The following STAT3 variants were observed in gnomAD, a reference collection of about 807,000 sequenced individuals.
STAT3 encodes the protein DNA-binding protein APRF.
Under a neutral mutation model 114.3 loss-of-function variants are expected in STAT3, and 7 were observed. That is an observed-to-expected ratio of 0.06 (90% confidence interval 0.03 to 0.11). The LOEUF is 0.11. Ranked by LOEUF, STAT3 falls within the 10% of genes least tolerant of loss-of-function variation. The pLI, the probability that STAT3 is intolerant of heterozygous loss-of-function variation, is 1.00. For missense variants in STAT3, 364 were observed against 960.9 expected (o/e 0.38, Z 8.21); for synonymous variants, 331 against 354.5 (o/e 0.93, Z 0.74).
At chr17:42,372,212 T>C (rs970899330) in intron 1 of STAT3, among the ~76,000 whole-genome samples, 3 of 152,298 alleles carry the variant, frequency 2.0e-5, no homozygotes, top group Non-Finnish European at 4.4e-5. Context: ...ATTGCACTCC[T>C]TGATATTTAT....
At chr17:42,362,432 T>C (rs991431981) in intron 1 of STAT3, among the ~76,000 whole-genome samples, 4 of 152,268 alleles carry the variant, frequency 2.6e-5, no homozygotes. Context: ...CTCCAGGCCA[T>C]TTTCCACACT....
At chr17:42,332,847 A>G (rs939209433) in intron 10 of STAT3, among the ~76,000 whole-genome samples, 3 of 151,908 alleles carry the variant, frequency 2.0e-5, no homozygotes, top group Non-Finnish European at 4.4e-5. Flanking sequence ...TCAAAAAAAA[A>G]AAAATTAGCC....
In STAT3 at chr17:42,323,050, G is replaced by A. The variant is rs1209963571; in HGVS notation, c.1842C>T (p.Ser614=). ...GTFLLRFSES[S]KEGGVTFTWV... ...AAGTGAAAGTGACGCCTCCTTCTTT[G>A]CTGCTTTCACTGAATCTTAGCAGGA... Residue 614 remains serine, a synonymous_variant, in exon 20 of 24, where the codon AGC becomes AGT. Coordinates refer to ENST00000264657, the MANE Select transcript of STAT3 (RefSeq NM_139276.3). 6.2e-7 allele frequency: 1 copy of A among 1,614,172 alleles called. No individual in the cohort carries two copies. The highest frequency in any genetic ancestry group is 1.7e-5 in the Admixed American group (1 of 60,010).
At chr17:42,367,520 C>T (rs1189457343) in intron 1 of STAT3, among the ~76,000 whole-genome samples, 2 of 152,078 alleles carry the variant, frequency 1.3e-5, no homozygotes, top group Admixed American at 6.6e-5. Context: ...TCCTGGAACA[C>T]ACCTTGCCCG....
intron 1 of STAT3, among the ~76,000 whole-genome samples, chr17:42,352,652 A>C (rs986856419): frequency 1.7e-5 from 2 of 117,012 alleles, no homozygotes; most frequent in Middle Eastern, 4.4e-3. Context: ...ACTCTGTCTC[A>C]AAAAAAAAAA....
At chr17:42,380,106 C>T (rs914310504) in intron 1 of STAT3, among the ~76,000 whole-genome samples, 24 of 151,826 alleles carry the variant, frequency 1.6e-4, no homozygotes, top group African/African-American at 5.3e-4. Context: ...GCGATCTCAG[C>T]TCACTGCAAC....
intron 21 of STAT3, among the ~76,000 whole-genome samples, chr17:42,318,768 G>A (rs1417654260): frequency 1.3e-5 from 2 of 152,182 alleles, no homozygotes; most frequent in Admixed American, 1.3e-4. Flanking sequence ...AGAAGGCACT[G>A]CAGAGTGGCT....
chr17:42,327,027 G>T (rs181700869), intron 14 of STAT3, among the ~76,000 whole-genome samples: 19 of 152,206 alleles, frequency 1.2e-4, no homozygotes, highest in African/African-American at 4.3e-4. Flanking sequence ...CCAATGCTGT[G>T]ATCCTCAACC....
Position 42,322,204 on chromosome 17 carries a change from CCTAT to C in STAT3, c.2101+74_2101+77del. On this transcript the variant is annotated intron_variant, in intron 21 of 23. Coordinates refer to ENST00000264657, the MANE Select transcript of STAT3 (RefSeq NM_139276.3). ...ATCCCCCAGGTTATTCAGGCATTTG[CCTAT>C]CTATCCTCCAAGGATCCCAAAATTT... is the stretch of plus-strand genomic sequence containing the variant. The C allele has an allele frequency of 2.9e-6, 4 of 1,377,728 alleles. No individual in the cohort carries two copies. In the South Asian group the frequency reaches 3.5e-5, roughly 12 times the overall value. 85.3% of individuals were successfully genotyped at this position (1,377,728 alleles called of 1,614,324 possible).
Position 42,315,384 on chromosome 17 carries a change from T to C in STAT3, c.*361A>G, listed in dbSNP as rs1023660997. ...GATGCCGCAGGCACCAGGAGGCACT[T>C]GTCTAAGAACAACAACAACAATAAC... On this transcript the variant is annotated 3_prime_UTR_variant, in exon 24 of 24. Transcript: ENST00000264657. 2.2e-6 allele frequency: 1 copy of C among 447,966 alleles called. No individual in the cohort carries two copies. The highest frequency in any genetic ancestry group is 2.0e-5 in the African/African-American group (1 of 51,202). The allele number at this position is 447,966 out of a possible 1,614,324, so 27.7% of individuals were successfully genotyped here. A position where few individuals can be genotyped will look rare whatever the true frequency, so the allele number is the denominator to read the frequency against.
chr17:42,368,403 G>A (rs566911900), intron 1 of STAT3, among the ~76,000 whole-genome samples: 14 of 152,254 alleles, frequency 9.2e-5, no homozygotes, highest in African/African-American at 2.9e-4. Context: ...CACTAAAATC[G>A]TACAACCACT....
At chr17:42,326,007 T>G (rs1423670595) in intron 15 of STAT3, 109 bp downstream of exon 15, 6 of 1,038,244 alleles carry the variant, frequency 5.8e-6, no homozygotes, top group Non-Finnish European at 9.0e-6. Context: ...AAACACAGTG[T>G]TAAGCAAACA....
intron 1 of STAT3, among the ~76,000 whole-genome samples, chr17:42,386,485 T>G (rs1004300213): frequency 1.3e-5 from 2 of 152,076 alleles, no homozygotes; most frequent in African/African-American, 4.8e-5. Flanking sequence ...AACTGTGCTG[T>G]GGGTATTTCT....
chr17:42,348,330 A>G, intron 2 of STAT3, 59 bp downstream of exon 2: 1 of 1,606,708 alleles, frequency 6.2e-7, no homozygotes, highest in Non-Finnish European at 8.5e-7. Flanking sequence ...TTAAGAGTTC[A>G]TGTCTCTTGA....
Position 42,325,072 on chromosome 17 carries a change from A to G in STAT3, c.1366-11T>C, listed in dbSNP as rs761523186. ...TGGCAAGGAGTGGGTCTGCGGAGGG[A>G]GTGGGGACTGAGCTGGGGAGGCAGA... On this transcript the variant is annotated splice_polypyrimidine_tract_variant and intron_variant, in intron 15 of 23. Coordinates refer to ENST00000264657, the MANE Select transcript of STAT3 (RefSeq NM_139276.3). 2 of 1,613,360 alleles carry G rather than the reference A, an allele frequency of 1.2e-6. No individual in the cohort carries two copies. The highest frequency in any genetic ancestry group is 2.7e-5 in the African/African-American group (2 of 74,856).
intron 1 of STAT3, among the ~76,000 whole-genome samples, chr17:42,377,983 A>ATT (rs11378560): frequency 0.018 from 2,235 of 127,624 alleles, 64 homozygotes; most frequent in Non-Finnish European, 0.022. Flanking sequence ...CAGAAACAGG[A>ATT]TTTTTTTTTT....
At chr17:42,387,268 G>A (rs1355118948) in intron 1 of STAT3, 1 of 152,168 alleles carries the variant, frequency 6.6e-6, no homozygotes, top group Non-Finnish European at 1.5e-5. Flanking sequence ...ATACCAACTT[G>A]GGCGACGGTT....
At chr17:42,316,376 C>T in intron 23 of STAT3, 1 of 366,592 alleles carries the variant, frequency 2.7e-6, no homozygotes, top group South Asian at 2.1e-5. Context: ...GCTGGGATTA[C>T]AGGTATGCGC....
intron 4 of STAT3, 136 bp downstream of exon 4, chr17:42,345,423 A>C (rs576922984): frequency 8.0e-6 from 6 of 752,098 alleles, no homozygotes; most frequent in Non-Finnish European, 1.3e-5. Flanking sequence ...AGAGTTTTTC[A>C]ATGTATTTTT....
Sources: gnomAD v4.1 joint callset for allele counts (sites outside exome capture counted in the v4.1 genomes callset) on GRCh38, gnomAD v4.1.1 for gene constraint, MANE v1.5 for transcripts, NCBI Gene and HGNC (gene_info 2026-07-23, HGNC 2026-07-21) for gene names.